Variants in ZNF385D observed in about 807,000 individuals in gnomAD.
ZNF385D encodes the protein zinc finger protein 659.
In ZNF385D, 15 loss-of-function variants were observed where a neutral mutation model predicts 35.8. That is an observed-to-expected ratio of 0.42 (90% CI 0.28 to 0.64). The LOEUF (loss-of-function observed/expected upper bound fraction) is 0.64. Among genes scored for constraint, ZNF385D ranks in the 30% least tolerant of loss-of-function variants. The probability of loss-of-function intolerance (pLI) is 0.23; values close to 1 mark genes in which losing one functional copy is unlikely to be tolerated. For missense variants in ZNF385D, 474 were observed against 494.6 expected, an observed-to-expected ratio of 0.96 and a Z score of 0.39; for synonymous variants, 212 against 186.8, an observed-to-expected ratio of 1.13 and a Z score of -1.10.
intron 2 of ZNF385D, among the ~76,000 whole-genome samples, chr3:22,227,597 G>A (rs1576528161): frequency 6.6e-6 from 1 of 152,104 alleles, no homozygotes; most frequent in East Asian, 1.9e-4. Flanking sequence ...ACTAAGAGCT[G>A]GAGCTCAGCC....
chr3:21,868,222 A>C (rs1697481911), intron 3 of ZNF385D, among the ~76,000 whole-genome samples: 1 of 152,134 alleles, frequency 6.6e-6, no homozygotes, highest in Non-Finnish European at 1.5e-5. Flanking sequence ...CACTTATTGC[A>C]CTGAAAGCAT....
At chr3:22,106,651 G>T (rs1702228528) in intron 3 of ZNF385D, among the ~76,000 whole-genome samples, 1 of 152,142 alleles carries the variant, frequency 6.6e-6, no homozygotes, top group Admixed American at 6.6e-5. Flanking sequence ...TCAACCTGAG[G>T]CCAGTTGGCT....
intron 3 of ZNF385D, among the ~76,000 whole-genome samples, chr3:21,813,237 TG>T (rs201296358): frequency 0.14 from 21,845 of 152,048 alleles, 1,905 homozygotes; most frequent in Non-Finnish European, 0.19. Context: ...ACCACAAAGA[TG>T]GGGAGAAACC....
At chr3:22,223,360 C>A (rs777483427) in intron 2 of ZNF385D, among the ~76,000 whole-genome samples, 3 of 151,976 alleles carry the variant, frequency 2.0e-5, no homozygotes, top group Non-Finnish European at 4.4e-5. Context: ...GACAAACTGA[C>A]CTACTATGTA....
chr3:22,136,303 G>C (rs756446768), intron 3 of ZNF385D, among the ~76,000 whole-genome samples: 1 of 152,012 alleles, frequency 6.6e-6, no homozygotes, highest in Non-Finnish European at 1.5e-5. Flanking sequence ...TACGAGAATC[G>C]CTTGAACCTG....
intron 1 of ZNF385D, among the ~76,000 whole-genome samples, chr3:21,730,195 T>C (rs1217232615): frequency 6.6e-6 from 1 of 152,106 alleles, no homozygotes; most frequent in Non-Finnish European, 1.5e-5. Context: ...CCACAGAGCA[T>C]AGGATCAAAA....
chr3:21,809,460 G>A (rs1009004053), intron 3 of ZNF385D, among the ~76,000 whole-genome samples: 1 of 151,848 alleles, frequency 6.6e-6, no homozygotes, highest in South Asian at 2.1e-4. Context: ...ATAAAGGGGA[G>A]AAGAAAAGGG....
chr3:22,149,366 A>G (rs3912828), intron 3 of ZNF385D, among the ~76,000 whole-genome samples: 8,443 of 152,214 alleles, frequency 0.055, 800 homozygotes, highest in African/African-American at 0.19. Context: ...CACTAAATAC[A>G]TTACCTAAAT....
chr3:21,567,705 G>A (rs2063199195), intron 2 of ZNF385D, among the ~76,000 whole-genome samples: 1 of 152,134 alleles, frequency 6.6e-6, no homozygotes, highest in African/African-American at 2.4e-5. Flanking sequence ...ACCCATTAAG[G>A]AATATTGAAG....
intron 2 of ZNF385D, among the ~76,000 whole-genome samples, chr3:22,362,938 G>T (rs1696482235): frequency 6.6e-6 from 1 of 152,090 alleles, no homozygotes; most frequent in Non-Finnish European, 1.5e-5. Context: ...GAGGCAGAAA[G>T]AGTAATAAAA....
At position 22,068,913 on chromosome 3, in the gene ZNF385D, G is replaced by T. The variant is rs142926542; in HGVS notation, c.325+99904C>A. On this transcript the variant is annotated intron_variant, in intron 3 of 5. Transcript: ENST00000494108. ...AGTCAATTTAACAATAAATATGGAG[G>T]AAGGTGTCTCAGGATTGGTACAGAC... Among the ~76,000 whole-genome samples the T allele has an allele frequency of 3.9e-5, 6 of 152,280 alleles. No homozygotes were observed. In the East Asian group the frequency reaches 9.7e-4, roughly 25 times the overall value.
chr3:22,297,145 G>A (rs1028577264), intron 2 of ZNF385D, among the ~76,000 whole-genome samples: 1 of 151,918 alleles, frequency 6.6e-6, no homozygotes, highest in Non-Finnish European at 1.5e-5. Flanking sequence ...GGACCTAAAG[G>A]TCGCACTAGA....
chr3:21,923,840 G>C (rs1325172095), intron 3 of ZNF385D, among the ~76,000 whole-genome samples: 2 of 152,092 alleles, frequency 1.3e-5, no homozygotes, highest in Admixed American at 6.6e-5. Context: ...ACTAGAAGGG[G>C]GAGGGAGGGG....
At chr3:22,105,009 G>A (rs914216320) in intron 3 of ZNF385D, among the ~76,000 whole-genome samples, 1 of 152,116 alleles carries the variant, frequency 6.6e-6, no homozygotes, top group Non-Finnish European at 1.5e-5. Context: ...GAGTTTAGAA[G>A]ATTAAAACTG....
At chr3:22,037,044 T>C (rs1249800110) in intron 3 of ZNF385D, among the ~76,000 whole-genome samples, 1 of 152,044 alleles carries the variant, frequency 6.6e-6, no homozygotes, top group Non-Finnish European at 1.5e-5. Context: ...CATGAAGTCA[T>C]CATTTTTTAT....
chr3:22,372,464 G>A (rs1035752465), exon 2 of ZNF385D: 1 of 985,836 alleles, frequency 1.0e-6, no homozygotes, highest in African/African-American at 1.7e-5. Context: ...GCTGGGCTGA[G>A]CTTTCGGCGC....
At chr3:22,357,610 A>G (rs1211649961) in intron 2 of ZNF385D, among the ~76,000 whole-genome samples, 3 of 143,502 alleles carry the variant, frequency 2.1e-5, no homozygotes, top group African/African-American at 3.0e-5. Context: ...AACTTAAAGA[A>G]AAAAAAACTT....
intron 2 of ZNF385D, among the ~76,000 whole-genome samples, chr3:22,362,769 G>A (rs1315227956): frequency 6.6e-6 from 1 of 152,010 alleles, no homozygotes; most frequent in Non-Finnish European, 1.5e-5. Flanking sequence ...AGAATATTAT[G>A]CTGTTTTTAA....
intron 3 of ZNF385D, among the ~76,000 whole-genome samples, chr3:22,030,150 A>G (rs1697846986): frequency 6.7e-6 from 1 of 150,154 alleles, no homozygotes; most frequent in Non-Finnish European, 1.5e-5. Flanking sequence ...TCAGACTCCA[A>G]GTTCTTCAGT....
Sources: gnomAD v4.1 joint callset for allele counts (sites outside exome capture counted in the v4.1 genomes callset) on GRCh38, gnomAD v4.1.1 for gene constraint, MANE v1.5 for transcripts, NCBI Gene and HGNC (gene_info 2026-07-23, HGNC 2026-07-21) for gene names.